The following MARK4 variants were observed in gnomAD, a reference collection of about 807,000 sequenced individuals.
MARK4 encodes the protein MAP/microtubule affinity-regulating kinase 4.
A neutral mutation model predicts 81.5 loss-of-function variants in MARK4; 19 were observed. That is an observed-to-expected ratio of 0.23 (90% CI 0.16 to 0.34). The LOEUF is 0.34. Among genes scored for constraint, MARK4 ranks in the 10% least tolerant of loss-of-function variants. The pLI is 1.00. For synonymous variants in MARK4, 436 were observed against 439.0 expected (o/e 0.99, Z 0.08); for missense variants, 772 against 1,058.8 (o/e 0.73, Z 3.76).
chr19:45,258,572 C>T (rs749381272), intron 1 of MARK4, among the ~76,000 whole-genome samples: 25 of 151,966 alleles, frequency 1.6e-4, no homozygotes, highest in Non-Finnish European at 3.1e-4. Context: ...TGATGGTGCA[C>T]GCCTGTAATC....
chr19:45,297,743 C>A lies in MARK4; in HGVS notation c.1666C>A (p.Arg556=). 1 of 1,572,234 alleles carries A rather than the reference C, an allele frequency of 6.4e-7. No individual in the cohort carries two copies. The highest frequency in any genetic ancestry group is 8.6e-7 in the Non-Finnish European group (1 of 1,162,706). ...CAGCCTGGCACCCCCATCAGGGGAGCGGAGCCGCCTGGCACGTGGTTCCAC... is the reference window on the plus strand; with the variant it reads ...CAGCCTGGCACCCCCATCAGGGGAGAGGAGCCGCCTGGCACGTGGTTCCAC... ...SHSLAPPSGE[R]SRLARGSTIR... is the part of the protein sequence containing the mutation. The change falls in exon 15 of 17, where the codon CGG becomes AGG. Residue 556 remains arginine, a synonymous_variant. Coordinates refer to ENST00000262891, the MANE Select transcript of MARK4 (RefSeq NM_001199867.2).
At chr19:45,278,229 A>AC (rs890990305) in intron 9 of MARK4, among the ~76,000 whole-genome samples, 187 bp downstream of exon 9, 8 of 150,948 alleles carry the variant, frequency 5.3e-5, no homozygotes, top group Non-Finnish European at 7.4e-5. Context: ...TCCTGACGCC[A>AC]CCCCCCCGAC....
chr19:45,259,764 G>A (rs1043919214), intron 2 of MARK4, among the ~76,000 whole-genome samples: 1 of 151,898 alleles, frequency 6.6e-6, no homozygotes, highest in South Asian at 2.1e-4. Context: ...AACAGAGTGA[G>A]ACCCTATCTC....
intron 1 of MARK4, among the ~76,000 whole-genome samples, chr19:45,255,399 A>G (rs899555273): frequency 1.3e-5 from 2 of 151,874 alleles, no homozygotes; most frequent in Non-Finnish European, 2.9e-5. Context: ...CCTCTTTACT[A>G]AAAATACAAA....
chr19:45,271,705 C>T lies in MARK4; in HGVS notation c.783C>T (p.Leu261=). ...SGSLPFDGHN[L]KELRERVLRG... ...CCCTGCCCTTCGACGGGCACAACCT[C>T]AAGGTACCGAGAGGGGCTGGGTGCA... The change falls in exon 8 of 17, where the codon CTC becomes CTT. Residue 261 remains leucine, a synonymous_variant. Transcript: ENST00000262891. The surrounding 1 kb of genome is among the most constrained non-coding windows in gnomAD (Gnocchi z 4.1). 2 of 1,613,896 alleles carry T rather than the reference C, an allele frequency of 1.2e-6. No homozygotes were observed. The highest frequency in any genetic ancestry group is 1.7e-6 in the Non-Finnish European group (2 of 1,179,892).
At chr19:45,291,928 G>T (rs7250791) in intron 13 of MARK4, among the ~76,000 whole-genome samples, 1,675 of 152,336 alleles carry the variant, frequency 0.011, 36 homozygotes, top group African/African-American at 0.038. Flanking sequence ...TCATCTCATA[G>T]CCTTGCCTGT....
At chr19:45,285,431 C>T (rs369900466) in intron 12 of MARK4, among the ~76,000 whole-genome samples, 7 of 152,094 alleles carry the variant, frequency 4.6e-5, no homozygotes, top group Non-Finnish European at 5.9e-5. Context: ...TGAAAGCCTG[C>T]GCTCTGACCT....
chr19:45,254,294 C>T (rs572707146), intron 1 of MARK4, among the ~76,000 whole-genome samples: 30 of 152,326 alleles, frequency 2.0e-4, no homozygotes, highest in Non-Finnish European at 3.8e-4. Flanking sequence ...TCACCCACTG[C>T]CCCAGCTGCC....
At chr19:45,264,144 A>G (rs1475912723) in intron 4 of MARK4, among the ~76,000 whole-genome samples, 1 of 152,180 alleles carries the variant, frequency 6.6e-6, no homozygotes. Context: ...CTGGGGACAC[A>G]ACAGGGAAGA....
intron 13 of MARK4, among the ~76,000 whole-genome samples, chr19:45,293,428 A>T (rs1352272708): frequency 6.6e-6 from 1 of 152,238 alleles, no homozygotes; most frequent in Non-Finnish European, 1.5e-5. Context: ...TGTGCCAATA[A>T]ATTTAACAGC....
intron 1 of MARK4, 106 bp downstream of exon 1, chr19:45,251,745 C>A: frequency 1.9e-6 from 2 of 1,074,546 alleles, no homozygotes; most frequent in Non-Finnish European, 2.6e-6. Context: ...GTTTCCTGGG[C>A]CCGACCCGGC....
Position 45,294,456 on chromosome 19 carries a change from C to T in MARK4, c.1598+4C>T, listed in dbSNP as rs759622490. On this transcript the variant is annotated splice_donor_region_variant and intron_variant, in intron 14 of 16. Transcript: ENST00000262891. ...TGCCAAATGGGAAAGAAAACAGGTA[C>T]GGAGGGGGCAGCAACAGGGTGAGGG... 3.2e-5 allele frequency: 51 copies of T among 1,613,014 alleles called. No homozygotes were observed. Among genetic ancestry groups the T allele is most frequent in the Middle Eastern group, 1.6e-4 (1 of 6,082 alleles).
chr19:45,280,806 T>A (rs1970664710), intron 12 of MARK4, 72 bp downstream of exon 12: 3 of 1,575,302 alleles, frequency 1.9e-6, no homozygotes, highest in Non-Finnish European at 2.6e-6. Context: ...ACGTCAGGGT[T>A]CTCTGATTGG....
Position 45,280,500 on chromosome 19 carries a change from G to A in MARK4, c.1116+17G>A. ...AAGACTGAGGTCAGGGGGCGCCAGGGGCCCTTGGGGACGCGTGATGCCTGG... is the reference window on the plus strand; with the variant it reads ...AAGACTGAGGTCAGGGGGCGCCAGGAGCCCTTGGGGACGCGTGATGCCTGG... On this transcript the variant is annotated intron_variant, in intron 11 of 16. Transcript: ENST00000262891. 2 of 1,614,062 alleles carry A rather than the reference G, an allele frequency of 1.2e-6. No homozygotes were observed. Among genetic ancestry groups the A allele is most frequent in the Non-Finnish European group, 8.5e-7 (1 of 1,179,964 alleles).
chr19:45,264,293 G>A (rs1970420908), intron 4 of MARK4, among the ~76,000 whole-genome samples: 1 of 151,972 alleles, frequency 6.6e-6, no homozygotes, highest in Non-Finnish European at 1.5e-5. Context: ...CCTGAGGTTG[G>A]GAGTTGGAGA....
At position 45,280,670 on chromosome 19, in the gene MARK4, C is replaced by T. The variant is rs1208029620; in HGVS notation, c.1212C>T (p.Ser404=). The change falls in exon 12 of 17, where the codon AGC becomes AGT. Residue 404 remains serine (S), a synonymous_variant. Coordinates refer to ENST00000262891, the MANE Select transcript of MARK4 (RefSeq NM_001199867.2). ...GAACAAGTTCCAGCAAAGGCACCAGCCACAGCAAAGGGCAGCGGAGTTCCT... is the reference window on the plus strand; with the variant it reads ...GAACAAGTTCCAGCAAAGGCACCAGTCACAGCAAAGGGCAGCGGAGTTCCT... The part of the protein sequence containing the change: ...TNGTSSSKGT[S]HSKGQRSSSS... 2.5e-6 allele frequency: 4 copies of T among 1,614,182 alleles called. No homozygotes were observed. The highest frequency in any genetic ancestry group is 3.4e-6 in the Non-Finnish European group (4 of 1,180,026).
intron 10 of MARK4, among the ~76,000 whole-genome samples, chr19:45,279,154 A>G (rs887585025): frequency 3.9e-5 from 6 of 152,096 alleles, no homozygotes; most frequent in Admixed American, 3.9e-4. Flanking sequence ...GAGCCCAACA[A>G]TTTGAGGCTA....
intron 8 of MARK4, 57 bp from the exon 9 acceptor site, chr19:45,277,866 T>G (rs920300845): frequency 1.4e-6 from 2 of 1,393,146 alleles, no homozygotes; most frequent in African/African-American, 1.7e-5. Flanking sequence ...TGTGTGTGTG[T>G]GTGTAATAGG....
At chr19:45,280,210 A>G in intron 10 of MARK4, 164 bp from the exon 11 acceptor site, 1 of 630,732 alleles carries the variant, frequency 1.6e-6, no homozygotes, top group Non-Finnish European at 2.8e-6. Context: ...CTGAGGTGGG[A>G]GGATCAGCAG....
Sources: allele counts gnomAD v4.1 joint callset (sites outside exome capture counted in the v4.1 genomes callset), GRCh38; gene constraint gnomAD v4.1.1; non-coding constraint Gnocchi (gnomAD v3.1); transcripts MANE v1.5; gene names NCBI Gene and HGNC (gene_info 2026-07-23, HGNC 2026-07-21).